MAST2: variants seen among roughly 807,000 people sequenced by gnomAD.
The protein encoded by MAST2 is microtubule associated serine/threonine kinase 2, also known as microtubule-associated serine/threonine-protein kinase 2.
A neutral mutation model predicts 147.4 loss-of-function variants in MAST2; 70 were observed. The observed-to-expected ratio is 0.47, with a 90% CI of 0.39 to 0.58. The LOEUF (loss-of-function observed/expected upper bound fraction) is 0.58. Ranked by LOEUF, MAST2 falls within the 20% of genes least tolerant of loss-of-function variation. The pLI, the probability that MAST2 is intolerant of heterozygous loss-of-function variation, is 0.00. For missense variants in MAST2, 2,080 were observed against 2,302.3 expected (o/e 0.90, Z 1.98); for synonymous variants, 869 against 896.8 (o/e 0.97, Z 0.55).
rs12092167 is a variant in MAST2 at position 45,947,319 on chromosome 1, A to C, written c.501-12067A>C. ...GCTGATGAGCTTTAAAAAAAAAAAAAAAAAAAAAAAAACCCAAACACCTCA... is the reference window on the plus strand; with the variant it reads ...GCTGATGAGCTTTAAAAAAAAAAAACAAAAAAAAAAAACCCAAACACCTCA... On this transcript the variant is annotated intron_variant, in intron 4 of 28. Coordinates refer to ENST00000361297, the MANE Select transcript of MAST2 (RefSeq NM_015112.3). Among the ~76,000 whole-genome samples, 243 of 144,882 alleles carry C rather than the reference A, an allele frequency of 1.7e-3. 1 individual carries two copies. Among genetic ancestry groups the C allele is most frequent in the Non-Finnish European group, 2.7e-3 (179 of 65,326 alleles).
At chr1:45,956,695 A>T (rs1659707443) in intron 4 of MAST2, among the ~76,000 whole-genome samples, 2 of 152,220 alleles carry the variant, frequency 1.3e-5, no homozygotes, top group South Asian at 4.1e-4. Flanking sequence ...TTAGCCACGA[A>T]ATCAAGTGTC....
At chr1:45,883,911 T>TTCCCCCCCC (rs1491218010) in intron 4 of MAST2, among the ~76,000 whole-genome samples, 3 of 484 alleles carry the variant, frequency 6.2e-3, no homozygotes, top group Admixed American at 0.038. Context: ...CTACTATTTC[T>TTCCCCCCCC]GCCCCCCCCG....
In MAST2 at chr1:45,829,592, AT is replaced by A; in HGVS notation, c.468+12del. On this transcript the variant is annotated intron_variant, in intron 3 of 28. Transcript: ENST00000361297. ...CTTACTGCTGGCCTGGTAAGTGTTC[AT>A]AAAGGTGGCATTTTGCTCTATGAAA... The A allele has an allele frequency of 6.2e-7, 1 of 1,605,876 alleles. No homozygotes were observed. Among genetic ancestry groups the A allele is most frequent in the Non-Finnish European group, 8.5e-7 (1 of 1,175,384 alleles).
At chr1:45,863,871 T>C (rs1557844273) in intron 3 of MAST2, among the ~76,000 whole-genome samples, 1 of 152,204 alleles carries the variant, frequency 6.6e-6, no homozygotes, top group Non-Finnish European at 1.5e-5. Flanking sequence ...AATGATTGAA[T>C]TTAATGTGTT....
intron 4 of MAST2, among the ~76,000 whole-genome samples, chr1:45,902,878 G>A (rs1185587256): frequency 6.6e-6 from 1 of 151,760 alleles, no homozygotes; most frequent in African/African-American, 2.4e-5. Context: ...TCTTTTCTTG[G>A]TTAATCTACC....
intron 1 of MAST2, among the ~76,000 whole-genome samples, chr1:45,821,213 C>T (rs189490139): frequency 1.0e-3 from 158 of 152,064 alleles, no homozygotes; most frequent in South Asian, 2.1e-3. Flanking sequence ...ATTTTTTCCT[C>T]ATTTTTGAAG....
In MAST2 at chr1:46,032,201, G is replaced by C. The variant is rs771731264; in HGVS notation, c.3211G>C (p.Ala1071Pro). 4 of 1,614,088 alleles carry C rather than the reference G, an allele frequency of 2.5e-6. No individual in the cohort carries two copies. The South Asian group carries it at 4.4e-5, about 18-fold the overall frequency. The change falls in exon 25 of 29, where the codon GCC becomes CCC. Residue 1071 changes from alanine (A) to proline (P), a missense_variant. Physicochemically the swap from Ala to Pro is conservative, Grantham distance 27. Around this residue, in one of 4 missense-constraint regions of MAST2, gnomAD observed 1,278 missense variants for 1,304.2 expected, o/e 0.98. Coordinates refer to ENST00000361297, the MANE Select transcript of MAST2 (RefSeq NM_015112.3). ...AGAACACCACACCTGCTCCCCGTTG[G>C]CCAGCCCCATGTCCCCACATTCTCA... is the stretch of plus-strand genomic sequence containing the variant. Reference protein sequence around the residue: ...PSEHHTCSPLASPMSPHSQSS... With the variant: ...PSEHHTCSPLPSPMSPHSQSS...
At chr1:45,841,845 T>C (rs994040720) in intron 3 of MAST2, among the ~76,000 whole-genome samples, 1 of 152,220 alleles carries the variant, frequency 6.6e-6, no homozygotes, top group Non-Finnish European at 1.5e-5. Context: ...ATATTAGTTA[T>C]GTAGGTCATG....
chr1:45,843,291 C>T (rs181484340), intron 3 of MAST2, among the ~76,000 whole-genome samples: 17 of 152,120 alleles, frequency 1.1e-4, no homozygotes, highest in African/African-American at 3.9e-4. Context: ...TCTAACTTAT[C>T]TGTGTTTTTC....
intron 4 of MAST2, among the ~76,000 whole-genome samples, chr1:45,928,567 C>CTTTTTTTTTTTTTTTT (rs11374683): frequency 2.1e-5 from 3 of 143,724 alleles, no homozygotes; most frequent in Non-Finnish European, 4.5e-5. Context: ...ATCACTCTTT[C>CTTTTTTTTTTTTTTTT]TTTTTTTTTT....
chr1:45,844,799 C>T (rs760929419), intron 3 of MAST2, among the ~76,000 whole-genome samples: 4 of 151,852 alleles, frequency 2.6e-5, no homozygotes, highest in Non-Finnish European at 1.5e-5. Flanking sequence ...TTTGTTCGTC[C>T]GTTTTGTGCT....
chr1:45,873,618 G>A, intron 3 of MAST2, among the ~76,000 whole-genome samples: 1 of 152,138 alleles, frequency 6.6e-6, no homozygotes, highest in Admixed American at 6.5e-5. Flanking sequence ...CAGGTGAACA[G>A]GTAAGAATAA....
chr1:46,014,056 T>C (rs1645827788), intron 10 of MAST2, among the ~76,000 whole-genome samples: 1 of 152,126 alleles, frequency 6.6e-6, no homozygotes, highest in African/African-American at 2.4e-5. Flanking sequence ...TGGGAAGATA[T>C]TTAGGAAAAT....
chr1:45,903,119 T>G (rs1570634303), intron 4 of MAST2, among the ~76,000 whole-genome samples: 2 of 105,350 alleles, frequency 1.9e-5, no homozygotes, highest in East Asian at 3.0e-4. Context: ...GCACTATAAA[T>G]TTTTGTCTTT....
intron 4 of MAST2, among the ~76,000 whole-genome samples, chr1:45,947,928 G>T (rs1310791180): frequency 6.6e-6 from 1 of 152,186 alleles, no homozygotes. Context: ...ATGTTAGCCA[G>T]GATGGTCTTG....
intron 1 of MAST2, among the ~76,000 whole-genome samples, chr1:45,820,105 A>G (rs979620285): frequency 1.3e-5 from 2 of 152,236 alleles, no homozygotes; most frequent in African/African-American, 4.8e-5. Flanking sequence ...GACAGTCTGT[A>G]CAATAAATGG....
chr1:46,034,470 C>T lies in MAST2; in HGVS notation c.3869-68C>T, dbSNP rs543781761. The T allele has an allele frequency of 1.2e-4, 188 of 1,506,520 alleles. No homozygotes were observed. In the East Asian group the frequency reaches 3.5e-3, roughly 28 times the overall value. The allele number at this position is 1,506,520 out of a possible 1,614,324, so 93.3% of individuals were successfully genotyped here. ...TAACAGGGCTAAGCCCTGTCTTGCC[C>T]TTGAGTCACTTCTAACAGCTAACAC... On this transcript the variant is annotated intron_variant, in intron 28 of 28. Transcript: ENST00000361297.
intron 2 of MAST2, 92 bp from the exon 3 acceptor site, chr1:45,829,347 G>T: frequency 8.7e-7 from 1 of 1,146,598 alleles, no homozygotes; most frequent in Non-Finnish European, 1.2e-6. Flanking sequence ...TATCAGTATG[G>T]TTTTATCCAC....
At chr1:45,954,284 T>A (rs1659349666) in intron 4 of MAST2, among the ~76,000 whole-genome samples, 1 of 152,146 alleles carries the variant, frequency 6.6e-6, no homozygotes, top group Admixed American at 6.6e-5. Context: ...GGGTCAGATT[T>A]TCCGAGTGCC....
Sources: allele counts gnomAD v4.1 joint callset (sites outside exome capture counted in the v4.1 genomes callset), GRCh38; gene constraint gnomAD v4.1.1; regional missense constraint gnomAD v4.1.1; transcripts MANE v1.5; gene names NCBI Gene and HGNC (gene_info 2026-07-23, HGNC 2026-07-21).